Variants in SYNPR observed in about 807,000 individuals in gnomAD.
SYNPR encodes synaptoporin.
A neutral mutation model predicts 32.9 loss-of-function variants in SYNPR; 23 were observed. The ratio of observed to expected loss-of-function variants is 0.70; its 90% CI spans 0.50 to 0.99. The LOEUF is 0.99. SYNPR is among the 50% of genes least tolerant of loss of function. The probability of loss-of-function intolerance (pLI) is 0.00; values close to 1 mark genes in which losing one functional copy is unlikely to be tolerated. For synonymous variants in SYNPR, 146 were observed against 135.9 expected (o/e 1.07, Z -0.52); for missense variants, 318 against 349.3 (o/e 0.91, Z 0.71).
intron 2 of SYNPR, among the ~76,000 whole-genome samples, chr3:63,421,957 A>G (rs181133888): frequency 5.3e-4 from 80 of 152,322 alleles, no homozygotes; most frequent in African/African-American, 1.8e-3. Flanking sequence ...CTCATATATT[A>G]TATCAGGCCC....
At chr3:63,490,054 A>T (rs923684700) in intron 3 of SYNPR, among the ~76,000 whole-genome samples, 1 of 152,184 alleles carries the variant, frequency 6.6e-6, no homozygotes, top group Non-Finnish European at 1.5e-5. Flanking sequence ...TAAAGAGAGA[A>T]GCTGTACTAT....
chr3:63,598,824 A>G (rs1477551682), intron 4 of SYNPR, among the ~76,000 whole-genome samples: 1 of 152,232 alleles, frequency 6.6e-6, no homozygotes, highest in East Asian at 1.9e-4. Flanking sequence ...GGCCTAATGT[A>G]TGTATGATAA....
intron 2 of SYNPR, among the ~76,000 whole-genome samples, chr3:63,255,083 T>C (rs376734669): frequency 2.6e-5 from 4 of 152,168 alleles, no homozygotes; most frequent in East Asian, 1.9e-4. Context: ...GCAGCCCTTG[T>C]TGGTTTTTAC....
In SYNPR at chr3:63,528,995, A is replaced by G. The variant is rs556125010; in HGVS notation, c.210-27548A>G. ...AAGGTAAAGCTGGATTAAAGAACTC[A>G]TGAATCTCCTGTTTACAGCTATCCT... is the stretch of plus-strand genomic sequence containing the variant. On this transcript the variant is annotated intron_variant, in intron 3 of 5. Transcript: ENST00000478300. 5.9e-5 allele frequency among the ~76,000 whole-genome samples: 9 copies of G among 152,388 alleles called. No homozygotes were observed. In the East Asian group the frequency reaches 1.5e-3, roughly 26 times the overall value.
At chr3:63,595,541 T>C (rs1400954390) in intron 4 of SYNPR, among the ~76,000 whole-genome samples, 2 of 150,760 alleles carry the variant, frequency 1.3e-5, no homozygotes, top group East Asian at 3.9e-4. Context: ...TGGTCTAAGC[T>C]CATTTCATTT....
At chr3:63,576,809 G>GAAAGAA (rs1191732634) in intron 4 of SYNPR, among the ~76,000 whole-genome samples, 18 of 150,084 alleles carry the variant, frequency 1.2e-4, no homozygotes, top group Non-Finnish European at 2.7e-4. Flanking sequence ...AAAAAAGAAA[G>GAAAGAA]AAAGAAAAAG....
At chr3:63,239,565 C>T (rs1410843832) in intron 1 of SYNPR, among the ~76,000 whole-genome samples, 2 of 150,770 alleles carry the variant, frequency 1.3e-5, no homozygotes, top group Non-Finnish European at 3.0e-5. Context: ...CCAATCCTAC[C>T]GTTGTCAGGT....
the SYNPR span, among the ~76,000 whole-genome samples, chr3:63,218,447 G>A: frequency 6.6e-6 from 1 of 152,160 alleles, no homozygotes; most frequent in Non-Finnish European, 1.5e-5. Flanking sequence ...ACTTCTTTGT[G>A]TCCTCCAAAC....
chr3:63,227,718 C>T (rs747647375), upstream of SYNPR, among the ~76,000 whole-genome samples: 6 of 152,216 alleles, frequency 3.9e-5, no homozygotes, highest in East Asian at 3.9e-4. Flanking sequence ...GGGTAAAATG[C>T]GCATGCAAGC....
intron 2 of SYNPR, among the ~76,000 whole-genome samples, chr3:63,467,334 T>TA (rs1197076025): frequency 1.3e-5 from 2 of 152,216 alleles, no homozygotes; most frequent in African/African-American, 4.8e-5. Context: ...GATACAGGAT[T>TA]AATTCCTTAA....
At chr3:63,357,096 A>G (rs891573539) in intron 2 of SYNPR, among the ~76,000 whole-genome samples, 2 of 152,206 alleles carry the variant, frequency 1.3e-5, no homozygotes, top group African/African-American at 4.8e-5. Context: ...TTAATGCTAA[A>G]CATTAGTGCC....
At chr3:63,401,433 G>A (rs903182701) in intron 2 of SYNPR, among the ~76,000 whole-genome samples, 6 of 152,172 alleles carry the variant, frequency 3.9e-5, no homozygotes, top group South Asian at 2.1e-4. Context: ...TGTATAAGGC[G>A]TGGCTAGGAA....
chr3:63,495,713 G>T (rs4688405), intron 3 of SYNPR, among the ~76,000 whole-genome samples: 105,094 of 151,634 alleles, frequency 0.69, 37,491 homozygotes, highest in African/African-American at 0.88. Context: ...ACTTTTTTTG[G>T]TTTTTTTCTG....
At chr3:63,439,420 T>C (rs1047215153) in intron 2 of SYNPR, among the ~76,000 whole-genome samples, 3 of 152,246 alleles carry the variant, frequency 2.0e-5, no homozygotes, top group African/African-American at 7.2e-5. Context: ...ACTTTATTTT[T>C]GTCAGTTCCA....
chr3:63,296,559 T>G (rs993914187), intron 2 of SYNPR, among the ~76,000 whole-genome samples: 1 of 152,182 alleles, frequency 6.6e-6, no homozygotes, highest in African/African-American at 2.4e-5. Flanking sequence ...AAAGGTCTCC[T>G]TTGCCTGACT....
At chr3:63,482,293 G>A (rs540784827) in intron 3 of SYNPR, among the ~76,000 whole-genome samples, 1 of 152,252 alleles carries the variant, frequency 6.6e-6, no homozygotes, top group East Asian at 1.9e-4. Flanking sequence ...GCCATCTATA[G>A]CAGCCCCCTC....
At chr3:63,344,550 A>ATTTTTTTTTTTTTT (rs10627844) in intron 2 of SYNPR, among the ~76,000 whole-genome samples, 3 of 130,578 alleles carry the variant, frequency 2.3e-5, no homozygotes, top group Admixed American at 8.0e-5. Flanking sequence ...TTCAAAAAAG[A>ATTTTTTTTTTTTTT]TTTTTTTTTT....
rs76857303 is a variant in SYNPR, at chr3:63,453,549, G to T, written c.85-27283G>T. On this transcript the variant is annotated intron_variant, in intron 2 of 5. Coordinates refer to ENST00000478300, the MANE Select transcript of SYNPR (RefSeq NM_001130003.2). ...GAGAATTGAGTATCTCTCCCAAGGT[G>T]TTTATCTGGGATAAGGATGCAATAA... is the stretch of plus-strand genomic sequence containing the variant. Among the ~76,000 whole-genome samples the T allele has an allele frequency of 8.5e-3, 1,295 of 152,268 alleles. 56 individuals carry two copies. The East Asian group carries it at 0.13, about 16-fold the overall frequency.
chr3:63,610,678 A>T (rs184519235), intron 5 of SYNPR: 47 of 455,230 alleles, frequency 1.0e-4, no homozygotes, highest in Non-Finnish European at 1.7e-4. Context: ...ATACTTCTGT[A>T]GTTTGTTTAT....
Sources: gnomAD v4.1 joint callset for allele counts (sites outside exome capture counted in the v4.1 genomes callset) on GRCh38, gnomAD v4.1.1 for gene constraint, MANE v1.5 for transcripts, NCBI Gene and HGNC (gene_info 2026-07-23, HGNC 2026-07-21) for gene names.